The following HS6ST3 variants were observed in gnomAD, a reference collection of about 807,000 sequenced individuals.
HS6ST3 encodes the protein heparan-sulfate 6-O-sulfotransferase 3.
HS6ST3 carries 12 observed loss-of-function variants against 36.7 expected under a neutral mutation model. The observed-to-expected ratio is 0.33, with a 90% CI of 0.21 to 0.53. The LOEUF (loss-of-function observed/expected upper bound fraction) is 0.53, where lower values mean the gene tolerates loss of function less well. Among genes scored for constraint, HS6ST3 ranks in the 20% least tolerant of loss-of-function variants. HS6ST3 has a pLI of 0.95. For synonymous variants in HS6ST3, 240 were observed against 257.5 expected (o/e 0.93, Z 0.65); for missense variants, 584 against 640.9 (o/e 0.91, Z 0.96).
At chr13:96,118,694 T>A (rs1275144817) in intron 1 of HS6ST3, among the ~76,000 whole-genome samples, 43 of 40,462 alleles carry the variant, frequency 1.1e-3, no homozygotes, top group Admixed American at 1.3e-3. Context: ...ATATATTTTT[T>A]TTTTTTTTTT....
chr13:96,413,216 A>T (rs7990583), intron 1 of HS6ST3, among the ~76,000 whole-genome samples: 136,350 of 152,262 alleles, frequency 0.9, 61,332 homozygotes, highest in South Asian at 0.94. Flanking sequence ...GCTTCAGACT[A>T]GATAATGTTT....
intron 1 of HS6ST3, among the ~76,000 whole-genome samples, chr13:96,473,515 C>T (rs2055849159): frequency 6.6e-6 from 1 of 152,120 alleles, no homozygotes; most frequent in South Asian, 2.1e-4. Flanking sequence ...AGATGAAATC[C>T]TAAGTGTCTG....
chr13:96,570,040 A>G (rs912715676), intron 1 of HS6ST3, among the ~76,000 whole-genome samples: 1 of 152,224 alleles, frequency 6.6e-6, no homozygotes, highest in African/African-American at 2.4e-5. Flanking sequence ...AAACTGAGAC[A>G]TTATTATTTT....
intron 1 of HS6ST3, among the ~76,000 whole-genome samples, chr13:96,155,606 G>C (rs2054106720): frequency 6.6e-6 from 1 of 151,914 alleles, no homozygotes; most frequent in African/African-American, 2.4e-5. Context: ...TTTAAAAAAG[G>C]CTAAGAATGG....
Position 96,839,248 on chromosome 13 carries a change from G to A in HS6ST3, c.*6050G>A, listed in dbSNP as rs1879011398. ...TTTTCTTTCTCAGAAGTACTTCTGGGGCTTTGATTGCATTATTTCTCTTTT... is the reference window on the plus strand; with the variant it reads ...TTTTCTTTCTCAGAAGTACTTCTGGAGCTTTGATTGCATTATTTCTCTTTT... On this transcript the variant is annotated 3_prime_UTR_variant, in exon 2 of 2. Coordinates refer to ENST00000376705, the MANE Select transcript of HS6ST3 (RefSeq NM_153456.4). 1 of 151,720 alleles carries A rather than the reference G, an allele frequency of 6.6e-6. No homozygotes were observed. Among genetic ancestry groups the A allele is most frequent in the Non-Finnish European group, 1.5e-5 (1 of 67,944 alleles). 9.4% of individuals were successfully genotyped at this position (151,720 alleles called of 1,614,324 possible).
At chr13:96,264,553 C>T (rs1352692138) in intron 1 of HS6ST3, among the ~76,000 whole-genome samples, 1 of 152,160 alleles carries the variant, frequency 6.6e-6, no homozygotes, top group Non-Finnish European at 1.5e-5. Context: ...AACCTGGTCT[C>T]TCTTTAAAGT....
intron 1 of HS6ST3, among the ~76,000 whole-genome samples, chr13:96,817,374 G>T (rs1462264045): frequency 6.6e-6 from 1 of 152,150 alleles, no homozygotes; most frequent in African/African-American, 2.4e-5. Context: ...ATCACTGTGG[G>T]CCCCTTGAAT....
chr13:96,624,676 C>CT (rs2056506187), intron 1 of HS6ST3, among the ~76,000 whole-genome samples: 1 of 152,092 alleles, frequency 6.6e-6, no homozygotes, highest in Non-Finnish European at 1.5e-5. Flanking sequence ...TTAGTTCCCA[C>CT]TTATAAGTGA....
chr13:96,711,736 A>G (rs997415962), intron 1 of HS6ST3, among the ~76,000 whole-genome samples: 3 of 152,032 alleles, frequency 2.0e-5, no homozygotes, highest in Non-Finnish European at 4.4e-5. Context: ...CATATTTTCT[A>G]TTTATATCAT....
intron 1 of HS6ST3, among the ~76,000 whole-genome samples, chr13:96,193,047 A>G (rs2054296260): frequency 6.6e-6 from 1 of 152,120 alleles, no homozygotes; most frequent in African/African-American, 2.4e-5. Flanking sequence ...CAAGTCCATG[A>G]CTTCCTTGAT....
At chr13:96,423,498 T>A (rs906018114) in intron 1 of HS6ST3, among the ~76,000 whole-genome samples, 1 of 151,536 alleles carries the variant, frequency 6.6e-6, no homozygotes, top group Non-Finnish European at 1.5e-5. Flanking sequence ...AGGGTGACTG[T>A]CTGATATGGG....
chr13:96,528,367 A>G (rs2056122415), intron 1 of HS6ST3, among the ~76,000 whole-genome samples: 2 of 152,208 alleles, frequency 1.3e-5, no homozygotes. Context: ...AAATGACATT[A>G]TTTGTTGCTA....
At chr13:96,381,948 C>A (rs147094067) in intron 1 of HS6ST3, among the ~76,000 whole-genome samples, 1 of 152,200 alleles carries the variant, frequency 6.6e-6, no homozygotes, top group East Asian at 1.9e-4. Flanking sequence ...CACACAGGGG[C>A]TGCATTAAGG....
chr13:96,519,041 A>G (rs1317235308), intron 1 of HS6ST3, among the ~76,000 whole-genome samples: 1 of 152,186 alleles, frequency 6.6e-6, no homozygotes, highest in Non-Finnish European at 1.5e-5. Context: ...TGTACTTTCT[A>G]TTTTACCAAT....
chr13:96,683,626 G>A (rs72643889), intron 1 of HS6ST3, among the ~76,000 whole-genome samples: 12,332 of 152,054 alleles, frequency 0.081, 561 homozygotes, highest in East Asian at 0.13. Flanking sequence ...AAATTGCTTT[G>A]TTGTAAAATG....
intron 1 of HS6ST3, among the ~76,000 whole-genome samples, chr13:96,614,325 AAAAC>A (rs1168186868): frequency 5.5e-5 from 8 of 144,240 alleles, no homozygotes; most frequent in African/African-American, 2.1e-4. Flanking sequence ...AAAAAAAAAA[AAAAC>A]AGTTATTACC....
intron 1 of HS6ST3, among the ~76,000 whole-genome samples, chr13:96,772,795 T>C (rs1877295600): frequency 6.6e-6 from 1 of 152,260 alleles, no homozygotes; most frequent in Non-Finnish European, 1.5e-5. Context: ...GATTACAGTA[T>C]TGATTGCCAT....
At chr13:96,205,846 C>T (rs1357038037) in intron 1 of HS6ST3, among the ~76,000 whole-genome samples, 4 of 152,138 alleles carry the variant, frequency 2.6e-5, no homozygotes, top group Non-Finnish European at 5.9e-5. Flanking sequence ...GACAGACTCA[C>T]AGCCAGTATC....
chr13:96,240,101 T>A (rs984324193), intron 1 of HS6ST3, among the ~76,000 whole-genome samples: 1 of 152,166 alleles, frequency 6.6e-6, no homozygotes, highest in African/African-American at 2.4e-5. Context: ...TAATAAAATT[T>A]TAGTTATGAA....
Sources: allele counts gnomAD v4.1 joint callset (sites outside exome capture counted in the v4.1 genomes callset), GRCh38; gene constraint gnomAD v4.1.1; transcripts MANE v1.5; gene names NCBI Gene and HGNC (gene_info 2026-07-23, HGNC 2026-07-21).